Variants in PRKN observed in about 807,000 individuals in gnomAD.
The protein encoded by PRKN is E3 ubiquitin-protein ligase parkin.
Under a neutral mutation model 59.5 loss-of-function variants are expected in PRKN, and 56 were observed. The ratio of observed to expected loss-of-function variants is 0.94; its 90% CI spans 0.76 to 1.18. The LOEUF (loss-of-function observed/expected upper bound fraction) is 1.18. Ranked by LOEUF, PRKN falls within the 50% of genes most tolerant of loss-of-function variation. The pLI, the probability that PRKN is intolerant of heterozygous loss-of-function variation, is 0.00. For missense variants in PRKN, 657 were observed against 596.4 expected (o/e 1.10, Z -1.06); for synonymous variants, 250 against 222.1 (o/e 1.13, Z -1.12).
At position 162,585,196 on chromosome 6, in the gene PRKN, GC is replaced by G. The variant is rs577412304; in HGVS notation, c.8-141724del. 6.9e-4 allele frequency among the ~76,000 whole-genome samples: 105 copies of G among 151,822 alleles called. 2 individuals carry two copies. In the South Asian group the frequency reaches 0.021, roughly 31 times the overall value. On this transcript the variant is annotated intron_variant, in intron 1 of 11. Coordinates refer to ENST00000366898, the MANE Select transcript of PRKN (RefSeq NM_004562.3). ...TTACAGGCATGAGCCACTGCACCTG[GC>G]CTATAAATACCTTTCTTGGACTATA...
intron 4 of PRKN, among the ~76,000 whole-genome samples, chr6:162,072,865 C>T (rs899757611): frequency 1.3e-5 from 2 of 152,186 alleles, no homozygotes; most frequent in African/African-American, 4.8e-5. Flanking sequence ...CAAAATACCA[C>T]ACGCATAGTG....
At chr6:162,079,954 CCTA>C (rs1055744668) in intron 4 of PRKN, among the ~76,000 whole-genome samples, 23 of 152,208 alleles carry the variant, frequency 1.5e-4, no homozygotes, top group African/African-American at 4.8e-4. Flanking sequence ...TGTGCTATTG[CCTA>C]CTACAAGCAC....
intron 4 of PRKN, among the ~76,000 whole-genome samples, chr6:162,181,310 C>T (rs1783795105): frequency 1.3e-5 from 2 of 152,186 alleles, no homozygotes; most frequent in Non-Finnish European, 2.9e-5. Flanking sequence ...AAACCATTTG[C>T]ATATTTCTTT....
At chr6:162,420,847 C>T (rs547664794) in intron 2 of PRKN, among the ~76,000 whole-genome samples, 8 of 152,236 alleles carry the variant, frequency 5.3e-5, no homozygotes, top group Middle Eastern at 3.4e-3. Flanking sequence ...AAGTCAGCAG[C>T]GGTTGGAACT....
At chr6:162,714,202 G>A (rs904157637) in intron 1 of PRKN, among the ~76,000 whole-genome samples, 3 of 152,098 alleles carry the variant, frequency 2.0e-5, no homozygotes, top group African/African-American at 4.8e-5. Flanking sequence ...GTAAACAGAC[G>A]CAAATATCTC....
At chr6:162,097,243 G>A (rs1041620086) in intron 4 of PRKN, among the ~76,000 whole-genome samples, 2 of 152,102 alleles carry the variant, frequency 1.3e-5, no homozygotes, top group African/African-American at 4.8e-5. Flanking sequence ...AGTTAAAACT[G>A]TCTGTCAAAA....
At chr6:162,347,619 T>C (rs1246017743) in intron 2 of PRKN, among the ~76,000 whole-genome samples, 3 of 152,120 alleles carry the variant, frequency 2.0e-5, no homozygotes, top group Non-Finnish European at 4.4e-5. Context: ...GTGTCAGATA[T>C]AGTACTTATG....
Position 161,566,954 on chromosome 6 carries a change from G to A in PRKN, c.933+2401C>T, listed in dbSNP as rs1583236309. 6.6e-6 allele frequency among the ~76,000 whole-genome samples: 1 copy of A among 151,196 alleles called. No homozygotes were observed. The highest frequency in any genetic ancestry group is 1.9e-4 in the East Asian group (1 of 5,142). Reference sequence around the variant, plus strand: ...TTCAGTCTTTATTCACCTGTCACCTGCTCAGTGAAACTTTCCCTGACCACC... The same window carrying A: ...TTCAGTCTTTATTCACCTGTCACCTACTCAGTGAAACTTTCCCTGACCACC... On this transcript the variant is annotated intron_variant, in intron 8 of 11. Coordinates refer to ENST00000366898, the MANE Select transcript of PRKN (RefSeq NM_004562.3). The surrounding 1 kb of genome is among the most constrained non-coding windows in gnomAD (Gnocchi z 4.1).
chr6:162,467,035 T>A (rs1791450537), intron 1 of PRKN, among the ~76,000 whole-genome samples: 2 of 152,202 alleles, frequency 1.3e-5, no homozygotes, highest in Admixed American at 1.3e-4. Flanking sequence ...CCAACTATTA[T>A]GATTCCCTGG....
intron 9 of PRKN, among the ~76,000 whole-genome samples, chr6:161,425,717 A>G (rs1317229459): frequency 6.6e-6 from 1 of 152,158 alleles, no homozygotes; most frequent in Non-Finnish European, 1.5e-5. Flanking sequence ...TTTTGGGTCA[A>G]AATGTTTGTA....
rs60024002 is a variant in PRKN, at chr6:162,498,393, C to CTT, written c.8-54922_8-54921dup. 2.5e-3 allele frequency among the ~76,000 whole-genome samples: 53 copies of CTT among 21,560 alleles called. 3 individuals carry two copies. Among genetic ancestry groups the CTT allele is most frequent in the South Asian group, 7.5e-3 (4 of 534 alleles). The allele number at this position is 21,560 out of a possible 152,430, so 14.1% of individuals were successfully genotyped here. ...CAGAATCATTTTTTTTCTTTCTTTC[C>CTT]TTTTTTTTTTTTTTTTTTTTTTGAG... On this transcript the variant is annotated intron_variant, in intron 1 of 11. Transcript: ENST00000366898.
intron 1 of PRKN, among the ~76,000 whole-genome samples, chr6:162,703,327 A>G (rs918815567): frequency 6.6e-6 from 1 of 152,236 alleles, no homozygotes; most frequent in Admixed American, 6.5e-5. Flanking sequence ...ATAAAATATT[A>G]CCATACCATG....
rs1781462153 is a variant in PRKN at position 161,584,706 on chromosome 6, G to T, written c.872-15290C>A. Among the ~76,000 whole-genome samples the T allele has an allele frequency of 6.6e-6, 1 of 152,156 alleles. No individual in the cohort carries two copies. Among genetic ancestry groups the T allele is most frequent in the East Asian group, 1.9e-4 (1 of 5,190 alleles). ...TACAAAACTCCATTATACAACAGGG[G>T]GATCCTACATCCAGCTTCATTTAGG... On this transcript the variant is annotated intron_variant, in intron 7 of 11. Coordinates refer to ENST00000366898, the MANE Select transcript of PRKN (RefSeq NM_004562.3). This position sits in a 1 kb window ranked among gnomAD's most constrained non-coding sequence, Gnocchi z 4.8.
At chr6:161,776,835 G>C (rs947939643) in intron 7 of PRKN, among the ~76,000 whole-genome samples, 14 of 152,126 alleles carry the variant, frequency 9.2e-5, no homozygotes, top group Non-Finnish European at 1.8e-4. Flanking sequence ...CTGTGATCCT[G>C]GTTGCTTAAT....
At chr6:162,594,009 G>C (rs1562417932) in intron 1 of PRKN, among the ~76,000 whole-genome samples, 1 of 152,226 alleles carries the variant, frequency 6.6e-6, no homozygotes, top group East Asian at 1.9e-4. Flanking sequence ...AATTAGCCTA[G>C]CGTGGTGGCG....
chr6:162,029,092 C>T (rs905329453), intron 5 of PRKN, among the ~76,000 whole-genome samples: 1 of 152,130 alleles, frequency 6.6e-6, no homozygotes, highest in Non-Finnish European at 1.5e-5. Context: ...ACTCCTGTGG[C>T]AGGCCAGTTA....
chr6:161,817,037 G>A (rs1381767051), intron 6 of PRKN, among the ~76,000 whole-genome samples: 1 of 152,026 alleles, frequency 6.6e-6, no homozygotes, highest in Non-Finnish European at 1.5e-5. Flanking sequence ...CACACATAAA[G>A]TTTTTGTTTT....
At chr6:161,614,198 C>T (rs1782605174) in intron 7 of PRKN, among the ~76,000 whole-genome samples, 1 of 152,170 alleles carries the variant, frequency 6.6e-6, no homozygotes, top group Non-Finnish European at 1.5e-5. Flanking sequence ...TTTGGAGAGC[C>T]TCCCTATTTG....
At chr6:162,516,135 T>C (rs77884815) in intron 1 of PRKN, among the ~76,000 whole-genome samples, 16,138 of 152,264 alleles carry the variant, frequency 0.11, 1,146 homozygotes, top group South Asian at 0.19. Flanking sequence ...GATCCTTCTC[T>C]GATCCTTCCC....
Sources: allele counts gnomAD v4.1 joint callset (sites outside exome capture counted in the v4.1 genomes callset), GRCh38; gene constraint gnomAD v4.1.1; non-coding constraint Gnocchi (gnomAD v3.1); transcripts MANE v1.5; gene names NCBI Gene and HGNC (gene_info 2026-07-23, HGNC 2026-07-21).